Variants in GALNT10 observed in about 807,000 individuals in gnomAD.
GALNT10 encodes the protein GalNAc transferase 10.
A neutral mutation model predicts 75.0 loss-of-function variants in GALNT10; 41 were observed. That is an observed-to-expected ratio of 0.55 (90% CI 0.43 to 0.71). The LOEUF (loss-of-function observed/expected upper bound fraction) is 0.71, where lower values mean the gene tolerates loss of function less well. GALNT10 is among the 30% of genes least tolerant of loss of function. The probability of loss-of-function intolerance (pLI) is 0.00; values close to 1 mark genes in which losing one functional copy is unlikely to be tolerated. For missense variants in GALNT10, 727 were observed against 818.5 expected, an observed-to-expected ratio of 0.89 and a Z score of 1.36; for synonymous variants, 302 against 313.0, an observed-to-expected ratio of 0.96 and a Z score of 0.37.
At chr5:154,380,749 GC>G in intron 6 of GALNT10, 118 bp downstream of exon 6, 1 of 643,316 alleles carries the variant, frequency 1.6e-6, no homozygotes, top group Non-Finnish European at 2.7e-6. Context: ...CAGCTTCCCA[GC>G]CCCACTTAGT....
chr5:154,413,098 G>T, intron 10 of GALNT10, 93 bp downstream of exon 10: 1 of 771,692 alleles, frequency 1.3e-6, no homozygotes, highest in South Asian at 1.5e-5. Flanking sequence ...GAGAGGCATG[G>T]GTCAGTGATA....
At chr5:154,296,144 T>G (rs953365216) in intron 2 of GALNT10, among the ~76,000 whole-genome samples, 2 of 152,160 alleles carry the variant, frequency 1.3e-5, no homozygotes, top group African/African-American at 4.8e-5. Context: ...TGGAATTCAG[T>G]GGTGCAATCT....
intron 1 of GALNT10, among the ~76,000 whole-genome samples, chr5:154,264,439 G>A (rs1032947368): frequency 2.0e-5 from 3 of 151,918 alleles, no homozygotes; most frequent in Non-Finnish European, 2.9e-5. Flanking sequence ...TCCTTTGCTC[G>A]ACAGATGCAT....
rs577859883 is a variant in GALNT10, at chr5:154,289,273, G to T, written c.160-5543G>T. 3.9e-5 allele frequency among the ~76,000 whole-genome samples: 6 copies of T among 152,322 alleles called. No individual in the cohort carries two copies. In the East Asian group the frequency reaches 9.6e-4, roughly 24 times the overall value. The stretch of plus-strand genomic sequence containing the variant: ...TCCTCCCAACAGATACTCTTATTCT[G>T]TTAGTTTTCTCTATTTATCAGTCAG... On this transcript the variant is annotated intron_variant, in intron 1 of 11. Coordinates refer to ENST00000297107, the MANE Select transcript of GALNT10 (RefSeq NM_198321.4).
At chr5:154,264,828 A>G (rs1753754675) in intron 1 of GALNT10, among the ~76,000 whole-genome samples, 1 of 152,204 alleles carries the variant, frequency 6.6e-6, no homozygotes, top group South Asian at 2.1e-4. Flanking sequence ...TCTAAGCCGT[A>G]CAGACCCCCA....
At chr5:154,370,989 T>C (rs1347860192) in intron 4 of GALNT10, among the ~76,000 whole-genome samples, 2 of 152,204 alleles carry the variant, frequency 1.3e-5, no homozygotes, top group Non-Finnish European at 1.5e-5. Context: ...CTAGGGCTGC[T>C]GTAACAGAGA....
intron 1 of GALNT10, among the ~76,000 whole-genome samples, chr5:154,290,258 A>T (rs1581958186): frequency 1.0e-5 from 1 of 98,918 alleles, no homozygotes; most frequent in Non-Finnish European, 1.9e-5. Flanking sequence ...CACTCAGCTA[A>T]TTTTTTTTTT....
chr5:154,245,897 T>A (rs979336053), intron 1 of GALNT10, among the ~76,000 whole-genome samples: 1 of 151,530 alleles, frequency 6.6e-6, no homozygotes, highest in Non-Finnish European at 1.5e-5. Context: ...CATGTTGGTG[T>A]GCTGCACCCA....
chr5:154,398,672 A>T, intron 7 of GALNT10, among the ~76,000 whole-genome samples: 1 of 152,224 alleles, frequency 6.6e-6, no homozygotes, highest in Non-Finnish European at 1.5e-5. Context: ...CACATGGAGC[A>T]GTTCCAACTG....
At chr5:154,306,738 AC>A (rs202135591) in intron 3 of GALNT10, among the ~76,000 whole-genome samples, 3 of 151,952 alleles carry the variant, frequency 2.0e-5, no homozygotes, top group Admixed American at 6.6e-5. Context: ...AACAACAACA[AC>A]AACAAAAAAA....
chr5:154,237,317 T>G (rs1419456965), intron 1 of GALNT10, among the ~76,000 whole-genome samples: 2 of 152,182 alleles, frequency 1.3e-5, no homozygotes, highest in African/African-American at 4.8e-5. Flanking sequence ...ACTGTGAAAT[T>G]ATTTGGGATT....
chr5:154,368,276 A>C (rs897630946), intron 4 of GALNT10, among the ~76,000 whole-genome samples: 5 of 152,370 alleles, frequency 3.3e-5, no homozygotes, highest in Admixed American at 3.3e-4. Flanking sequence ...GCAGGAGCTC[A>C]GGAAATGCTT....
chr5:154,326,780 G>A (rs1754762882), intron 3 of GALNT10, among the ~76,000 whole-genome samples: 1 of 152,088 alleles, frequency 6.6e-6, no homozygotes, highest in Non-Finnish European at 1.5e-5. Context: ...TACACACAGG[G>A]TTTCTTTAGG....
intron 10 of GALNT10, 85 bp from the exon 11 acceptor site, chr5:154,415,698 A>T: frequency 7.9e-7 from 1 of 1,259,572 alleles, no homozygotes; most frequent in Non-Finnish European, 1.1e-6. Flanking sequence ...CTCTGAGTTT[A>T]AATTTTTCCA....
chr5:154,266,583 A>AC (rs1753777590), intron 1 of GALNT10, among the ~76,000 whole-genome samples: 2 of 151,288 alleles, frequency 1.3e-5, no homozygotes, highest in Admixed American at 6.6e-5. Flanking sequence ...TAAAAAAAAA[A>AC]AAAACAGCTT....
intron 3 of GALNT10, among the ~76,000 whole-genome samples, chr5:154,303,745 G>A (rs1754392836): frequency 6.6e-6 from 1 of 152,088 alleles, no homozygotes; most frequent in Non-Finnish European, 1.5e-5. Flanking sequence ...AATGCACCCA[G>A]AACAAAGCTT....
chr5:154,386,577 G>T, intron 7 of GALNT10, 147 bp downstream of exon 7: 1 of 406,028 alleles, frequency 2.5e-6, no homozygotes, highest in Middle Eastern at 5.1e-4. Context: ...GAAGACAGGG[G>T]CTCATGGGCC....
chr5:154,318,830 G>A (rs890564580), intron 3 of GALNT10, among the ~76,000 whole-genome samples: 2 of 152,172 alleles, frequency 1.3e-5, no homozygotes, highest in African/African-American at 4.8e-5. Flanking sequence ...CCCCAATTGT[G>A]TGTCTTTGTC....
intron 1 of GALNT10, among the ~76,000 whole-genome samples, chr5:154,202,002 A>G (rs953430860): frequency 6.6e-6 from 1 of 152,146 alleles, no homozygotes; most frequent in Non-Finnish European, 1.5e-5. Context: ...GCTTCCTGGC[A>G]TGTCGGGAAA....
Sources: allele counts gnomAD v4.1 joint callset (sites outside exome capture counted in the v4.1 genomes callset), GRCh38; gene constraint gnomAD v4.1.1; transcripts MANE v1.5; gene names NCBI Gene and HGNC (gene_info 2026-07-23, HGNC 2026-07-21).